SOS1: variants seen among roughly 807,000 people sequenced by gnomAD.
SOS1 encodes the protein SOS Ras/Rac guanine nucleotide exchange factor 1, also known as son of sevenless homolog 1.
SOS1 carries 25 observed loss-of-function variants against 157.6 expected under a neutral mutation model. The observed-to-expected ratio is 0.16, with a 90% CI of 0.12 to 0.22. SOS1 has a LOEUF of 0.22. Ranked by LOEUF, SOS1 falls within the 10% of genes least tolerant of loss-of-function variation. The probability of loss-of-function intolerance (pLI) is 1.00; values close to 1 mark genes in which losing one functional copy is unlikely to be tolerated. For synonymous variants in SOS1, 528 were observed against 534.0 expected, an observed-to-expected ratio of 0.99 and a Z score of 0.16; for missense variants, 1,237 against 1,599.1, an observed-to-expected ratio of 0.77 and a Z score of 3.86.
At chr2:39,067,829 G>C (rs1671641834) in intron 1 of SOS1, 76 bp from the exon 2 acceptor site, 1 of 1,405,624 alleles carries the variant, frequency 7.1e-7, no homozygotes, top group Non-Finnish European at 1.0e-6. Context: ...TAAAAAATGT[G>C]GGTTTGTGGC....
intron 20 of SOS1, chr2:38,992,361 G>A (rs2124469270): frequency 6.6e-6 from 1 of 152,188 alleles, no homozygotes; most frequent in Non-Finnish European, 1.5e-5. Flanking sequence ...GTAGTAATAG[G>A]GTTTTTCTTT....
chr2:39,042,713 T>A (rs1427702179), intron 6 of SOS1, among the ~76,000 whole-genome samples: 1 of 74,090 alleles, frequency 1.3e-5, no homozygotes, highest in Admixed American at 1.1e-4. Flanking sequence ...AATTTTATGA[T>A]TTTTTTTTTT....
intron 1 of SOS1, among the ~76,000 whole-genome samples, chr2:39,094,369 C>T (rs886804540): frequency 1.4e-4 from 22 of 151,970 alleles, no homozygotes; most frequent in Non-Finnish European, 2.5e-4. Context: ...TGAAGGGGGC[C>T]GGGTGCAGTA....
intron 1 of SOS1, among the ~76,000 whole-genome samples, chr2:39,071,694 TAA>T (rs1197093413): frequency 1.3e-5 from 2 of 152,214 alleles, no homozygotes; most frequent in African/African-American, 4.8e-5. Context: ...AAAGTATGAT[TAA>T]GTTTTTTTTG....
At chr2:39,051,477 T>C (rs1435191595) in intron 5 of SOS1, 190 bp from the exon 6 acceptor site, 4 of 553,348 alleles carry the variant, frequency 7.2e-6, no homozygotes, top group African/African-American at 5.7e-5. Flanking sequence ...AATTTGCAAA[T>C]ACATTTCTCT....
At chr2:39,010,764 A>C in intron 14 of SOS1, 61 bp from the exon 15 acceptor site, 1 of 1,361,444 alleles carries the variant, frequency 7.3e-7, no homozygotes, top group South Asian at 1.2e-5. Flanking sequence ...ACATTGTTTT[A>C]TTAAGTAAAG....
chr2:39,080,276 G>C lies in SOS1; in HGVS notation c.88-12523C>G, dbSNP rs1450904731. Reference sequence around the variant, plus strand: ...TGCCTCACATGCACAGTTCACAACAGGCTCCTGAGAATCTGATGCCTCCAC... The same window carrying C: ...TGCCTCACATGCACAGTTCACAACACGCTCCTGAGAATCTGATGCCTCCAC... On this transcript the variant is annotated intron_variant, in intron 1 of 22. Coordinates refer to ENST00000402219, the MANE Select transcript of SOS1 (RefSeq NM_005633.4). 4.6e-5 allele frequency among the ~76,000 whole-genome samples: 7 copies of C among 152,112 alleles called. No homozygotes were observed. The East Asian group carries it at 1.4e-3, about 29-fold the overall frequency.
At chr2:39,123,533 T>A (rs555029794), upstream of SOS1, among the ~76,000 whole-genome samples, 16 of 151,788 alleles carry the variant, frequency 1.1e-4, no homozygotes, top group Admixed American at 2.0e-4. Context: ...AATTTTTGTA[T>A]TTTTAGTAGA....
chr2:39,048,559 C>G (rs1275558585), intron 6 of SOS1, among the ~76,000 whole-genome samples: 1 of 152,020 alleles, frequency 6.6e-6, no homozygotes, highest in Admixed American at 6.6e-5. Flanking sequence ...CACCACCATG[C>G]CTCGCTAATT....
At chr2:39,116,227 C>A (rs1359811342) in intron 1 of SOS1, among the ~76,000 whole-genome samples, 1 of 152,066 alleles carries the variant, frequency 6.6e-6, no homozygotes, top group Non-Finnish European at 1.5e-5. Flanking sequence ...CTTATTATGC[C>A]ACTCCTCTCT....
At chr2:39,002,163 T>G (rs574958096) in intron 17 of SOS1, among the ~76,000 whole-genome samples, 1 of 151,986 alleles carries the variant, frequency 6.6e-6, no homozygotes, top group East Asian at 1.9e-4. Context: ...TTGTCTCTAG[T>G]AAAAATACAA....
chr2:38,986,432 AG>A (rs1668562846), intron 22 of SOS1, 117 bp from the exon 23 acceptor site: 1 of 1,006,230 alleles, frequency 9.9e-7, no homozygotes, highest in Non-Finnish European at 1.4e-6. Flanking sequence ...AGTGTGGAAC[AG>A]GGAGTTTTGC....
At chr2:39,079,605 C>T (rs963276861) in intron 1 of SOS1, among the ~76,000 whole-genome samples, 7 of 147,758 alleles carry the variant, frequency 4.7e-5, no homozygotes, top group Non-Finnish European at 1.0e-4. Context: ...AGCAATTCTC[C>T]TGCCTCAGCC....
At chr2:39,085,072 G>A (rs1282619953) in intron 1 of SOS1, among the ~76,000 whole-genome samples, 1 of 151,836 alleles carries the variant, frequency 6.6e-6, no homozygotes, top group Non-Finnish European at 1.5e-5. Context: ...TTTGAGACAG[G>A]GTCTTACTCT....
intron 6 of SOS1, among the ~76,000 whole-genome samples, chr2:39,041,177 G>A (rs1670556254): frequency 6.6e-6 from 1 of 152,042 alleles, no homozygotes; most frequent in African/African-American, 2.4e-5. Context: ...TCCCACCTCA[G>A]CCCCCGAGTA....
upstream of SOS1, among the ~76,000 whole-genome samples, chr2:39,122,544 G>A (rs770087085): frequency 2.6e-5 from 4 of 151,960 alleles, no homozygotes; most frequent in African/African-American, 4.8e-5. Context: ...CGAGGTGGGC[G>A]GACCATTTGA....
upstream of SOS1, among the ~76,000 whole-genome samples, chr2:39,121,528 G>A (rs563161044): frequency 6.6e-6 from 1 of 152,302 alleles, no homozygotes; most frequent in South Asian, 2.1e-4. Context: ...AAATGTGTAC[G>A]TGTAGTATTG....
chr2:38,987,499 C>T lies in SOS1; in HGVS notation c.3484G>A (p.Ala1162Thr). ...TTAGATGGTGAAGATTCTGCTGGGG[C>T]AGATTCTGGTCGTCTTCGTGGAGGA... ...PVPPRRRPES[A>T]PAESSPSKIM... Residue 1162 changes from alanine (A) to threonine (T), a missense_variant, in exon 22 of 23, where the codon GCC becomes ACC. Physicochemically the swap from Ala to Thr is moderately conservative, Grantham distance 58. Around this residue, in one of 15 missense-constraint regions of SOS1, gnomAD observed 306 missense variants for 322.6 expected, o/e 0.95. Transcript: ENST00000402219. The T allele has an allele frequency of 6.3e-7, 1 of 1,593,320 alleles. No homozygotes were observed. Among genetic ancestry groups the T allele is most frequent in the Non-Finnish European group, 8.6e-7 (1 of 1,163,456 alleles).
intron 1 of SOS1, chr2:39,098,172 T>C (rs1005897278): frequency 7.7e-5 from 14 of 182,236 alleles, no homozygotes; most frequent in Admixed American, 7.3e-4. Context: ...TTTGCAAGAA[T>C]GTCACCATCT....
Sources: allele counts gnomAD v4.1 joint callset (sites outside exome capture counted in the v4.1 genomes callset), GRCh38; gene constraint gnomAD v4.1.1; regional missense constraint gnomAD v4.1.1; transcripts MANE v1.5; gene names NCBI Gene and HGNC (gene_info 2026-07-23, HGNC 2026-07-21).